GABRB3: variants seen among roughly 807,000 people sequenced by gnomAD.
GABRB3 encodes the protein gamma-aminobutyric acid receptor subunit beta-3.
Under a neutral mutation model 52.1 loss-of-function variants are expected in GABRB3, and 14 were observed. The ratio of observed to expected loss-of-function variants is 0.27; its 90% CI spans 0.18 to 0.42. The LOEUF is 0.42. GABRB3 is among the 10% of genes least tolerant of loss of function. The pLI is 1.00. For synonymous variants in GABRB3, 260 were observed against 232.3 expected (o/e 1.12, Z -1.08); for missense variants, 307 against 609.1 (o/e 0.50, Z 5.22).
chr15:26,745,160 C>G (rs950555198), intron 3 of GABRB3, among the ~76,000 whole-genome samples: 6 of 152,178 alleles, frequency 3.9e-5, no homozygotes, highest in African/African-American at 1.4e-4. Flanking sequence ...AGCACCAAGC[C>G]ATGAGGGAAT....
chr15:26,730,196 T>C (rs1187835708), intron 3 of GABRB3, among the ~76,000 whole-genome samples: 1 of 152,194 alleles, frequency 6.6e-6, no homozygotes, highest in African/African-American at 2.4e-5. Context: ...CTGTTGGTTA[T>C]ATCCCATTTC....
At chr15:26,643,686 G>A (rs1043113948) in intron 3 of GABRB3, among the ~76,000 whole-genome samples, 5 of 151,984 alleles carry the variant, frequency 3.3e-5, no homozygotes, top group East Asian at 1.9e-4. Flanking sequence ...GGAAGTCCCC[G>A]TGTGACCTCA....
intron 4 of GABRB3, among the ~76,000 whole-genome samples, chr15:26,585,632 T>C (rs139315461): frequency 3.9e-5 from 6 of 152,340 alleles, no homozygotes; most frequent in African/African-American, 1.4e-4. Context: ...TTTATGCAAA[T>C]AGCATGCATG....
chr15:26,648,163 C>A (rs1375760894), intron 3 of GABRB3, among the ~76,000 whole-genome samples: 3 of 152,156 alleles, frequency 2.0e-5, no homozygotes, highest in Non-Finnish European at 4.4e-5. Flanking sequence ...TAGCCCCAGC[C>A]CCTGGCCACC....
intron 3 of GABRB3, among the ~76,000 whole-genome samples, chr15:26,733,261 C>T (rs549723473): frequency 2.0e-4 from 31 of 151,694 alleles, no homozygotes; most frequent in Non-Finnish European, 4.1e-4. Context: ...ACATACTACA[C>T]ACACATACAC....
At chr15:26,550,382 C>A (rs1253409951) in intron 8 of GABRB3, among the ~76,000 whole-genome samples, 2 of 151,976 alleles carry the variant, frequency 1.3e-5, no homozygotes, top group African/African-American at 4.8e-5. Flanking sequence ...GGCCAACAGG[C>A]ACTTGAAAAA....
At chr15:26,742,464 CAA>C (rs1890234347) in intron 3 of GABRB3, among the ~76,000 whole-genome samples, 3 of 151,802 alleles carry the variant, frequency 2.0e-5, no homozygotes, top group Admixed American at 2.0e-4. Context: ...TGTTTTCTCC[CAA>C]GTCCTTTTAA....
In GABRB3 at chr15:26,626,391, G is replaced by A. The variant is rs148207844; in HGVS notation, c.241-4857C>T. On this transcript the variant is annotated intron_variant, in intron 3 of 8. Transcript: ENST00000311550. ...TGGCCTCTAAGGGTTTAAGTGAAAG[G>A]AAGAGTCGCCCATCTCTCATGGTAA... Among the ~76,000 whole-genome samples the A allele has an allele frequency of 5.3e-3, 814 of 152,212 alleles. 5 individuals carry two copies. Among genetic ancestry groups the A allele is most frequent in the African/African-American group, 0.018 (760 of 41,530 alleles).
chr15:26,698,294 G>A (rs764850595), intron 3 of GABRB3, among the ~76,000 whole-genome samples: 2 of 152,134 alleles, frequency 1.3e-5, no homozygotes, highest in East Asian at 1.9e-4. Context: ...CGTTAGGGTC[G>A]GGTAATATTT....
Position 26,750,076 on chromosome 15 carries a change from C to G in GABRB3, c.240+22326G>C, listed in dbSNP as rs529812658. The G allele has an allele frequency of 1.2e-4, 18 of 152,306 alleles. No homozygotes were observed. The South Asian group carries it at 3.5e-3, about 30-fold the overall frequency. The allele number at this position is 152,306 out of a possible 1,614,324, so 9.4% of individuals were successfully genotyped here. ...TTTTTAACTGTTTCTATTCTCTCTT[C>G]GATTTCTTCTTCCCCTGTGTCTTCA... On this transcript the variant is annotated intron_variant, in intron 3 of 8. Coordinates refer to ENST00000311550, the MANE Select transcript of GABRB3 (RefSeq NM_000814.6).
intron 6 of GABRB3, among the ~76,000 whole-genome samples, chr15:26,568,958 T>C (rs1386376631): frequency 6.6e-6 from 1 of 152,144 alleles, no homozygotes; most frequent in Non-Finnish European, 1.5e-5. Context: ...GAGAACCCAA[T>C]GACCCTCTCT....
chr15:26,691,503 C>A (rs1036059387), intron 3 of GABRB3, among the ~76,000 whole-genome samples: 4 of 152,154 alleles, frequency 2.6e-5, no homozygotes, highest in African/African-American at 9.7e-5. Context: ...GCTGAGCTAG[C>A]AGCCTCTCAG....
intron 3 of GABRB3, among the ~76,000 whole-genome samples, chr15:26,628,778 C>T (rs1347442162): frequency 6.6e-6 from 1 of 152,220 alleles, no homozygotes; most frequent in African/African-American, 2.4e-5. Context: ...ACCTCACATT[C>T]TACCTAGGTT....
chr15:26,672,475 T>A (rs61998710), intron 3 of GABRB3, among the ~76,000 whole-genome samples: 3,775 of 152,256 alleles, frequency 0.025, 62 homozygotes, highest in Non-Finnish European at 0.04. Flanking sequence ...CTAAGAAGAT[T>A]GGTATCAGCT....
At chr15:26,766,173 G>A (rs763679423) in intron 3 of GABRB3, among the ~76,000 whole-genome samples, 5 of 152,196 alleles carry the variant, frequency 3.3e-5, no homozygotes, top group Non-Finnish European at 5.9e-5. Context: ...GATTTCAAAT[G>A]TCTGATAGGC....
At chr15:26,751,974 A>G (rs1189937290) in intron 3 of GABRB3, among the ~76,000 whole-genome samples, 1 of 152,192 alleles carries the variant, frequency 6.6e-6, no homozygotes, top group Admixed American at 6.5e-5. Flanking sequence ...CTGAGGTGGC[A>G]TGTCTGCCTC....
chr15:26,588,110 T>C (rs1342922888), intron 4 of GABRB3, among the ~76,000 whole-genome samples: 3 of 152,154 alleles, frequency 2.0e-5, no homozygotes, highest in South Asian at 2.1e-4. Flanking sequence ...AATGGCCAAG[T>C]GACAGAAGAC....
intron 4 of GABRB3, chr15:26,615,717 C>T (rs1055493149): frequency 1.8e-6 from 2 of 1,083,598 alleles, no homozygotes; most frequent in African/African-American, 3.3e-5. Flanking sequence ...ATGCTGTTCC[C>T]ATAATGGCTG....
At chr15:26,683,195 T>C (rs1269428596) in intron 3 of GABRB3, among the ~76,000 whole-genome samples, 1 of 152,224 alleles carries the variant, frequency 6.6e-6, no homozygotes, top group South Asian at 2.1e-4. Context: ...GCCTCTATTA[T>C]AAAATAATAG....
Sources: gnomAD v4.1 joint callset for allele counts (sites outside exome capture counted in the v4.1 genomes callset) on GRCh38, gnomAD v4.1.1 for gene constraint, MANE v1.5 for transcripts, NCBI Gene and HGNC (gene_info 2026-07-23, HGNC 2026-07-21) for gene names.